HEMK2: variants seen among roughly 807,000 people sequenced by gnomAD.
The protein encoded by HEMK2 is HemK methyltransferase 2, ETF1 glutamine and histone H4 lysine, also known as methyltransferase HEMK2.
the HEMK2 span, among the ~76,000 whole-genome samples, chr21:28,855,079 T>C: frequency 6.6e-6 from 1 of 152,062 alleles, no homozygotes; most frequent in African/African-American, 2.4e-5. Context: ...GCAAGATGAA[T>C]AAAGAAGCAG....
chr21:28,581,532 C>A, the HEMK2 span, among the ~76,000 whole-genome samples: 1 of 152,180 alleles, frequency 6.6e-6, no homozygotes, highest in Non-Finnish European at 1.5e-5. Flanking sequence ...CAATGTCACT[C>A]ACTGCACTAA....
the HEMK2 span, among the ~76,000 whole-genome samples, chr21:28,852,403 T>C: frequency 1.3e-5 from 2 of 152,132 alleles, no homozygotes; most frequent in Non-Finnish European, 2.9e-5. Context: ...AAAACTTCAT[T>C]AATTACCTGA....
At chr21:28,707,983 G>A in the HEMK2 span, among the ~76,000 whole-genome samples, 4 of 152,180 alleles carry the variant, frequency 2.6e-5, no homozygotes, top group East Asian at 7.7e-4. Context: ...AGCCTGAGAT[G>A]ATCGGTGTGA....
the HEMK2 span, among the ~76,000 whole-genome samples, chr21:28,590,100 C>T: frequency 6.6e-6 from 1 of 152,202 alleles, no homozygotes; most frequent in African/African-American, 2.4e-5. Flanking sequence ...GGAGCTAAGA[C>T]TAATCTGTGT....
At chr21:28,686,532 C>T in the HEMK2 span, among the ~76,000 whole-genome samples, 5 of 152,130 alleles carry the variant, frequency 3.3e-5, no homozygotes, top group African/African-American at 9.7e-5. Context: ...CACACCTGGC[C>T]ACCATTAGGT....
the HEMK2 span, among the ~76,000 whole-genome samples, chr21:28,838,990 TATATATATATAC>T: frequency 0.012 from 913 of 79,294 alleles, 37 homozygotes; most frequent in East Asian, 0.045. Flanking sequence ...TATATATATA[TATATATATATAC>T]ATATATATAC....
chr21:28,631,200 C>G, the HEMK2 span, among the ~76,000 whole-genome samples: 1 of 151,978 alleles, frequency 6.6e-6, no homozygotes, highest in Non-Finnish European at 1.5e-5. Flanking sequence ...TGGTCCAGTC[C>G]CAGGAAAACT....
the HEMK2 span, among the ~76,000 whole-genome samples, chr21:28,838,770 T>C: frequency 2.0e-5 from 3 of 149,654 alleles, no homozygotes; most frequent in African/African-American, 7.4e-5. Flanking sequence ...AGAAACCGTG[T>C]CTCTACTAAA....
At chr21:28,648,342 T>G in the HEMK2 span, among the ~76,000 whole-genome samples, 5 of 152,174 alleles carry the variant, frequency 3.3e-5, no homozygotes, top group Admixed American at 2.0e-4. Context: ...AAAAGTAGGT[T>G]ATGTATGGGG....
At chr21:28,747,821 T>A in the HEMK2 span, among the ~76,000 whole-genome samples, 3 of 152,346 alleles carry the variant, frequency 2.0e-5, 1 homozygote, top group African/African-American at 7.2e-5. Context: ...GCACTGCAAT[T>A]GAAGGCTAAG....
At chr21:28,746,672 TAAA>T in the HEMK2 span, among the ~76,000 whole-genome samples, 2 of 144,858 alleles carry the variant, frequency 1.4e-5, no homozygotes, top group Non-Finnish European at 3.0e-5. Flanking sequence ...AGGGCCAATC[TAAA>T]AAAAAAAAAA....
chr21:28,736,306 T>G, the HEMK2 span, among the ~76,000 whole-genome samples: 1 of 152,160 alleles, frequency 6.6e-6, no homozygotes, highest in Non-Finnish European at 1.5e-5. Flanking sequence ...CACCTCTATT[T>G]CCTAGCTGCT....
chr21:28,695,591 C>T, the HEMK2 span, among the ~76,000 whole-genome samples: 1 of 152,224 alleles, frequency 6.6e-6, no homozygotes, highest in African/African-American at 2.4e-5. Flanking sequence ...TTATTCACTA[C>T]CATGAGAACC....
the HEMK2 span, among the ~76,000 whole-genome samples, chr21:28,736,747 A>G: frequency 6.6e-6 from 1 of 151,984 alleles, no homozygotes; most frequent in African/African-American, 2.4e-5. Flanking sequence ...CCTGGGCAAC[A>G]GAGTGAGATC....
chr21:28,779,083 A>G, the HEMK2 span, among the ~76,000 whole-genome samples: 2 of 152,236 alleles, frequency 1.3e-5, no homozygotes, highest in African/African-American at 2.4e-5. Context: ...ATAGAACTAC[A>G]TATGATCCAG....
At chr21:28,841,094 T>TTATATATTA in the HEMK2 span, among the ~76,000 whole-genome samples, 1 of 43,194 alleles carries the variant, frequency 2.3e-5, no homozygotes, top group Non-Finnish European at 3.2e-5. Context: ...ATTATATATA[T>TTATATATTA]TATATATTAT....
the HEMK2 span, among the ~76,000 whole-genome samples, chr21:28,860,762 G>T: frequency 6.6e-6 from 1 of 152,150 alleles, no homozygotes; most frequent in African/African-American, 2.4e-5. Context: ...GATATTAAAA[G>T]TGTGGGATAG....
the HEMK2 span, among the ~76,000 whole-genome samples, chr21:28,752,402 C>T: frequency 7.9e-5 from 12 of 152,204 alleles, no homozygotes; most frequent in Non-Finnish European, 1.8e-4. Context: ...CCTTCTAAGA[C>T]GTTTCTAATC....
chr21:28,678,518 C>A, the HEMK2 span, among the ~76,000 whole-genome samples: 1 of 152,166 alleles, frequency 6.6e-6, no homozygotes, highest in African/African-American at 2.4e-5. Context: ...GGCGGGCCAA[C>A]ATTCAAATTC....
Sources: allele counts gnomAD v4.1 joint callset (sites outside exome capture counted in the v4.1 genomes callset), GRCh38; gene constraint gnomAD v4.1.1; transcripts MANE v1.5; gene names NCBI Gene and HGNC (gene_info 2026-07-23, HGNC 2026-07-21).